THOC7: variants seen among roughly 807,000 people sequenced by gnomAD.
THOC7 encodes the protein NIF3L1-binding protein 1.
In THOC7, 22 loss-of-function variants were observed where a neutral mutation model predicts 33.1. That is an observed-to-expected ratio of 0.66 (90% confidence interval 0.47 to 0.95). The LOEUF is 0.95. Among genes scored for constraint, THOC7 ranks in the 40% least tolerant of loss-of-function variants. THOC7 has a pLI of 0.00. For synonymous variants in THOC7, 77 were observed against 76.8 expected, an observed-to-expected ratio of 1.00 and a Z score of -0.01; for missense variants, 184 against 245.3, an observed-to-expected ratio of 0.75 and a Z score of 1.67.
chr3:63,852,127 G>T (rs1702031334), intron 1 of THOC7, among the ~76,000 whole-genome samples: 2 of 152,160 alleles, frequency 1.3e-5, no homozygotes, highest in Admixed American at 1.3e-4. Context: ...CATAAAACTT[G>T]GTAGCATCTA....
At chr3:63,853,239 G>A (rs72890117) in intron 1 of THOC7, among the ~76,000 whole-genome samples, 2,321 of 151,992 alleles carry the variant, frequency 0.015, 66 homozygotes, top group African/African-American at 0.05. Flanking sequence ...AAAAAACAGG[G>A]GCCAATGCCA....
At chr3:63,841,292 G>A (rs1278255987) in intron 1 of THOC7, among the ~76,000 whole-genome samples, 3 of 152,128 alleles carry the variant, frequency 2.0e-5, no homozygotes, top group East Asian at 1.9e-4. Context: ...TTGTAATAGC[G>A]GTTATTTCTG....
chr3:63,846,267 T>G (rs1413727039), intron 1 of THOC7: 1 of 440,462 alleles, frequency 2.3e-6, no homozygotes, highest in Non-Finnish European at 4.6e-6. Flanking sequence ...GTCTGAAAAA[T>G]CAGGAGATAA....
rs1384949089 is a variant in THOC7 at position 63,863,756 on chromosome 3, G to A, written c.19+16C>T. The A allele has an allele frequency of 1.6e-6, 2 of 1,250,304 alleles. No individual in the cohort carries two copies. Among genetic ancestry groups the A allele is most frequent in the Non-Finnish European group, 2.0e-6 (2 of 1,003,840 alleles). 77.5% of individuals were successfully genotyped at this position (1,250,304 alleles called of 1,614,324 possible). Reference sequence around the variant, plus strand: ...GGCCGTGCAGCGGGCGCGTGTGGCGGCGAGCGGGGCCTCACCGTCAGTCAC... The same window carrying A: ...GGCCGTGCAGCGGGCGCGTGTGGCGACGAGCGGGGCCTCACCGTCAGTCAC... On this transcript the variant is annotated intron_variant, in intron 1 of 7. Transcript: ENST00000295899.
chr3:63,856,022 A>T lies in THOC7; in HGVS notation c.19+7750T>A, dbSNP rs564693834. Among the ~76,000 whole-genome samples, 16 of 152,354 alleles carry T rather than the reference A, an allele frequency of 1.1e-4. 1 individual carries two copies. In the East Asian group the frequency reaches 2.9e-3, roughly 28 times the overall value. On this transcript the variant is annotated intron_variant, in intron 1 of 7. Transcript: ENST00000295899. Reference sequence around the variant, plus strand: ...TAGAAATTATTCCCACAAGTACGCGAATATATCTATGCAAATATCTCCATT... The same window carrying T: ...TAGAAATTATTCCCACAAGTACGCGTATATATCTATGCAAATATCTCCATT...
chr3:63,856,032 T>C (rs1056513197), intron 1 of THOC7, among the ~76,000 whole-genome samples: 1 of 152,234 alleles, frequency 6.6e-6, no homozygotes, highest in Non-Finnish European at 1.5e-5. Flanking sequence ...AATATATCTA[T>C]GCAAATATCT....
upstream of THOC7, chr3:63,863,850 G>A (rs2107179692): frequency 3.3e-6 from 4 of 1,218,198 alleles, no homozygotes; most frequent in South Asian, 1.2e-4. Flanking sequence ...GTTGGCGGCG[G>A]CGGAGGTCAA....
chr3:63,863,200 GT>G (rs1467172522), intron 1 of THOC7: 2 of 153,360 alleles, frequency 1.3e-5, no homozygotes, highest in East Asian at 3.9e-4. Flanking sequence ...CTGTCTGTGA[GT>G]GCTTCCCAAT....
At chr3:63,836,162 G>A in intron 5 of THOC7, 139 bp downstream of exon 5, 1 of 705,746 alleles carries the variant, frequency 1.4e-6, no homozygotes. Flanking sequence ...TAACAGAGAA[G>A]TATGGGAAAA....
intron 1 of THOC7, among the ~76,000 whole-genome samples, chr3:63,841,966 A>G (rs1393267647): frequency 6.6e-6 from 1 of 152,156 alleles, no homozygotes; most frequent in East Asian, 1.9e-4. Context: ...CTCCAACTGT[A>G]TTGAGGACTG....
At chr3:63,846,838 C>T (rs994839951) in intron 1 of THOC7, among the ~76,000 whole-genome samples, 23 of 152,162 alleles carry the variant, frequency 1.5e-4, no homozygotes, top group African/African-American at 5.5e-4. Context: ...TATCAAGTAC[C>T]CAACAAGTCC....
At chr3:63,851,959 T>C (rs1036384222) in intron 1 of THOC7, among the ~76,000 whole-genome samples, 17 of 151,848 alleles carry the variant, frequency 1.1e-4, no homozygotes, top group Non-Finnish European at 2.4e-4. Flanking sequence ...GGTAGAATGG[T>C]TTTGGAGGAC....
chr3:63,843,192 T>G (rs1701805178), intron 1 of THOC7, among the ~76,000 whole-genome samples: 1 of 151,980 alleles, frequency 6.6e-6, no homozygotes, highest in South Asian at 2.1e-4. Flanking sequence ...GATCTCGGCT[T>G]ACTGCAACCT....
intron 4 of THOC7, among the ~76,000 whole-genome samples, chr3:63,836,560 G>T (rs1701638735): frequency 6.6e-6 from 1 of 151,848 alleles, no homozygotes. Context: ...TCCAAACAGG[G>T]GTTTTAGCTC....
In THOC7 at chr3:63,838,394, A is replaced by G. The variant is rs1701678800; in HGVS notation, c.243T>C (p.Tyr81=). 6.4e-7 allele frequency: 1 copy of G among 1,556,176 alleles called. No homozygotes were observed. The highest frequency in any genetic ancestry group is 1.4e-5 in the African/African-American group (1 of 72,788). ...TACCTATTTCCTTGTAAATTTTTTC[A>G]TAATTTTCCATTTCTCTGAGATTCA... ...YDMNLREMEN[Y]EKIYKEIECS... is the part of the protein sequence containing the mutation. The change falls in exon 3 of 8, where the codon TAT becomes TAC. Residue 81 remains tyrosine, a synonymous_variant. Coordinates refer to ENST00000295899, the MANE Select transcript of THOC7 (RefSeq NM_025075.4).
intron 1 of THOC7, among the ~76,000 whole-genome samples, chr3:63,860,348 C>A (rs550008283): frequency 6.6e-6 from 1 of 152,316 alleles, no homozygotes; most frequent in Non-Finnish European, 1.5e-5. Flanking sequence ...CACACCCAGC[C>A]TCTACTGGCT....
intron 1 of THOC7, chr3:63,845,104 G>T (rs1701860129): frequency 1.5e-6 from 1 of 689,172 alleles, no homozygotes. Flanking sequence ...CTTCTTTTCT[G>T]GGGGTGGGGG....
chr3:63,847,082 A>G (rs1421208702), intron 1 of THOC7, among the ~76,000 whole-genome samples: 1 of 152,136 alleles, frequency 6.6e-6, no homozygotes, highest in Non-Finnish European at 1.5e-5. Flanking sequence ...AGAATTGCGT[A>G]GGCGAATAGG....
chr3:63,849,193 C>G (rs753085118), intron 1 of THOC7, among the ~76,000 whole-genome samples: 1 of 152,146 alleles, frequency 6.6e-6, no homozygotes, highest in Non-Finnish European at 1.5e-5. Context: ...TCAAGACCAG[C>G]CTGGCCAACA....
Sources: gnomAD v4.1 joint callset for allele counts (sites outside exome capture counted in the v4.1 genomes callset) on GRCh38, gnomAD v4.1.1 for gene constraint, MANE v1.5 for transcripts, NCBI Gene and HGNC (gene_info 2026-07-23, HGNC 2026-07-21) for gene names.